The following CFAP20DC variants were observed in gnomAD, a reference collection of about 807,000 sequenced individuals.
CFAP20DC encodes protein CFAP20DC.
A neutral mutation model predicts 101.7 loss-of-function variants in CFAP20DC; 84 were observed. The observed-to-expected ratio is 0.83, with a 90% CI of 0.69 to 0.99. The LOEUF (loss-of-function observed/expected upper bound fraction) is 0.99, where lower values mean the gene tolerates loss of function less well. Among genes scored for constraint, CFAP20DC ranks in the 50% least tolerant of loss-of-function variants. The pLI is 0.00. For missense variants in CFAP20DC, 1,007 were observed against 970.3 expected (o/e 1.04, Z -0.50); for synonymous variants, 359 against 351.2 (o/e 1.02, Z -0.25).
chr3:58,762,212 T>C (rs2069691717), intron 15 of CFAP20DC, among the ~76,000 whole-genome samples: 1 of 152,064 alleles, frequency 6.6e-6, no homozygotes, highest in Non-Finnish European at 1.5e-5. Flanking sequence ...TTTATGAATC[T>C]GGGTGCTCCT....
chr3:58,950,467 A>G (rs1299194640), intron 4 of CFAP20DC, among the ~76,000 whole-genome samples: 3 of 152,212 alleles, frequency 2.0e-5, no homozygotes, highest in African/African-American at 2.4e-5. Flanking sequence ...ATCCTAAGCC[A>G]AAAGAACAAA....
In CFAP20DC at chr3:58,764,163, G is replaced by A. The variant is rs868261601; in HGVS notation, c.2238-10300C>T. Among the ~76,000 whole-genome samples the A allele has an allele frequency of 3.1e-4, 47 of 152,292 alleles. No homozygotes were observed. In the Middle Eastern group the frequency reaches 0.01, roughly 33 times the overall value. On this transcript the variant is annotated intron_variant, in intron 15 of 16. Coordinates refer to ENST00000482387, the MANE Select transcript of CFAP20DC (RefSeq NM_001394063.1). The stretch of plus-strand genomic sequence containing the variant: ...AGTCTACAGAGACAGGCAGGCCTCC[G>A]TGAGCTGCAGTGGGCTCCACCCAGT...
Position 58,717,381 on chromosome 3 carries a change from A to T in CFAP20DC, c.*207T>A. On this transcript the variant is annotated 3_prime_UTR_variant, in exon 4 of 4. Coordinates refer to the CFAP20DC transcript ENST00000486145. The surrounding 1 kb of genome is among the most constrained non-coding windows in gnomAD (Gnocchi z 4.1). ...AATCTCAGGGCTTTGTGAAAATGAA[A>T]ATGTAATCTCTTTCCGCTCAAGTTC... 4.5e-6 allele frequency: 1 copy of T among 224,280 alleles called. No individual in the cohort carries two copies. Among genetic ancestry groups the T allele is most frequent in the Non-Finnish European group, 9.1e-6 (1 of 109,610 alleles). The allele number at this position is 224,280 out of a possible 1,614,324, so 13.9% of individuals were successfully genotyped here. A position where few individuals can be genotyped will look rare whatever the true frequency, so the allele number is the denominator to read the frequency against.
intron 6 of CFAP20DC, among the ~76,000 whole-genome samples, chr3:58,891,507 G>A (rs1364314663): frequency 6.6e-6 from 1 of 152,084 alleles, no homozygotes; most frequent in Non-Finnish European, 1.5e-5. Context: ...CGTTCTGACT[G>A]GTGTGAGATG....
chr3:58,829,296 G>A (rs1468935528), intron 14 of CFAP20DC, among the ~76,000 whole-genome samples: 1 of 150,382 alleles, frequency 6.6e-6, no homozygotes, highest in Non-Finnish European at 1.5e-5. Context: ...ACTCCAGCCT[G>A]GGTAATAGGG....
At chr3:58,842,330 G>A (rs1044616503) in intron 13 of CFAP20DC, among the ~76,000 whole-genome samples, 3 of 152,218 alleles carry the variant, frequency 2.0e-5, no homozygotes, top group African/African-American at 7.2e-5. Flanking sequence ...AGCTGAAGCA[G>A]GGCGAGGCAT....
Position 58,831,780 on chromosome 3 carries a change from G to A in CFAP20DC, c.2081C>T (p.Ser694Phe). The part of the protein sequence containing the change: ...QNEELEDAGT[S>F]HGLSASQVDN... ...CACCTGGGAGGCACTCAGGCCATGG[G>A]AGGTCCCAGCATCCTCCAGTTCTTC... The change falls in exon 14 of 17, where the codon TCC becomes TTC. Residue 694 changes from serine to phenylalanine, a missense_variant. Physicochemically the swap from Ser to Phe is radical, Grantham distance 155. Coordinates refer to ENST00000482387, the MANE Select transcript of CFAP20DC (RefSeq NM_001394063.1). 6.2e-7 allele frequency: 1 copy of A among 1,614,094 alleles called. No homozygotes were observed. Among genetic ancestry groups the A allele is most frequent in the South Asian group, 1.1e-5 (1 of 91,084 alleles).
intron 4 of CFAP20DC, among the ~76,000 whole-genome samples, chr3:59,010,527 T>C (rs1000468002): frequency 6.6e-6 from 1 of 152,112 alleles, no homozygotes; most frequent in Non-Finnish European, 1.5e-5. Context: ...TAAATATATA[T>C]GCACCTAATA....
intron 6 of CFAP20DC, among the ~76,000 whole-genome samples, chr3:58,886,557 C>T (rs2081644084): frequency 6.6e-6 from 1 of 151,268 alleles, no homozygotes; most frequent in Non-Finnish European, 1.5e-5. Context: ...CCCCATATAT[C>T]TTTAAAAAAA....
chr3:58,763,819 C>T (rs1345841856), intron 15 of CFAP20DC, among the ~76,000 whole-genome samples: 1 of 152,172 alleles, frequency 6.6e-6, no homozygotes, highest in Non-Finnish European at 1.5e-5. Flanking sequence ...ACCCTGTTTG[C>T]CTGGGTATCA....
chr3:59,026,757 A>G (rs2093899911), intron 4 of CFAP20DC, among the ~76,000 whole-genome samples: 1 of 152,196 alleles, frequency 6.6e-6, no homozygotes, highest in South Asian at 2.1e-4. Context: ...GCAAAATTCA[A>G]TAGGGTAGAA....
chr3:58,821,504 CAAAAG>C (rs1410568176), intron 14 of CFAP20DC, among the ~76,000 whole-genome samples: 3 of 151,760 alleles, frequency 2.0e-5, no homozygotes, highest in Non-Finnish European at 4.4e-5. Flanking sequence ...AGACACTTCT[CAAAAG>C]AAGACATTTA....
Position 58,849,291 on chromosome 3 carries a change from C to G in CFAP20DC, c.1712G>C (p.Arg571Thr). The G allele has an allele frequency of 5.2e-6, 8 of 1,536,058 alleles. No individual in the cohort carries two copies. Among genetic ancestry groups the G allele is most frequent in the Non-Finnish European group, 7.0e-6 (8 of 1,146,910 alleles). ...TGCTCCTGCTTCTGTGTAGGCGCTCCTTAGATATTCCTTACTTGTCCGCTT... is the reference window on the plus strand; with the variant it reads ...TGCTCCTGCTTCTGTGTAGGCGCTCGTTAGATATTCCTTACTTGTCCGCTT... ...AAKRTSKEYL[R>T]SAYTEAGATE... The change falls in exon 13 of 17, where the codon AGG (arginine) becomes ACG (threonine). Residue 571 changes from arginine (R) to threonine (T), a missense_variant. Coordinates refer to ENST00000482387, the MANE Select transcript of CFAP20DC (RefSeq NM_001394063.1).
At chr3:58,896,290 T>C (rs867240144) in intron 6 of CFAP20DC, among the ~76,000 whole-genome samples, 4 of 152,222 alleles carry the variant, frequency 2.6e-5, no homozygotes, top group South Asian at 2.1e-4. Flanking sequence ...TTTATTACTC[T>C]AGCTAGTGGT....
At chr3:59,020,315 T>C (rs980689167) in intron 4 of CFAP20DC, among the ~76,000 whole-genome samples, 3 of 152,034 alleles carry the variant, frequency 2.0e-5, no homozygotes, top group African/African-American at 4.8e-5. Context: ...CTGTTTGTTT[T>C]ACAATAAAGT....
At chr3:58,813,483 C>A (rs1328163407) in intron 14 of CFAP20DC, among the ~76,000 whole-genome samples, 1 of 151,940 alleles carries the variant, frequency 6.6e-6, no homozygotes, top group Non-Finnish European at 1.5e-5. Flanking sequence ...TACTTCCAAA[C>A]CCAGTGGGGT....
chr3:59,003,693 GAC>G (rs1009929833), intron 4 of CFAP20DC, among the ~76,000 whole-genome samples: 1 of 152,198 alleles, frequency 6.6e-6, no homozygotes, highest in African/African-American at 2.4e-5. Context: ...TTGCCTAAGT[GAC>G]AGACTATGCC....
At chr3:58,814,111 A>G (rs948383076) in intron 14 of CFAP20DC, among the ~76,000 whole-genome samples, 3 of 151,890 alleles carry the variant, frequency 2.0e-5, no homozygotes, top group African/African-American at 7.3e-5. Context: ...ACCTCTGCCT[A>G]TTTATTTTTA....
intron 15 of CFAP20DC, among the ~76,000 whole-genome samples, chr3:58,787,988 G>T (rs763125727): frequency 3.3e-5 from 5 of 151,868 alleles, no homozygotes; most frequent in Non-Finnish European, 5.9e-5. Flanking sequence ...GGCCTGTTGG[G>T]GGGTGGGGTG....
Sources: allele counts gnomAD v4.1 joint callset (sites outside exome capture counted in the v4.1 genomes callset), GRCh38; gene constraint gnomAD v4.1.1; non-coding constraint Gnocchi (gnomAD v3.1); transcripts MANE v1.5; gene names NCBI Gene and HGNC (gene_info 2026-07-23, HGNC 2026-07-21).